UNC13C: variants seen among roughly 807,000 people sequenced by gnomAD.
UNC13C encodes protein unc-13 homolog C.
In UNC13C, 174 loss-of-function variants were observed where a neutral mutation model predicts 245.4. The observed-to-expected ratio is 0.71, with a 90% CI of 0.63 to 0.80. The LOEUF (loss-of-function observed/expected upper bound fraction) is 0.80, where lower values mean the gene tolerates loss of function less well. Ranked by LOEUF, UNC13C falls within the 30% of genes least tolerant of loss-of-function variation. The pLI is 0.00. For synonymous variants in UNC13C, 992 were observed against 895.1 expected (o/e 1.11, Z -1.93); for missense variants, 2,829 against 2,602.9 (o/e 1.09, Z -1.89).
intron 1 of UNC13C, among the ~76,000 whole-genome samples, chr15:53,992,006 C>A (rs556048186): frequency 7.2e-5 from 11 of 152,148 alleles, no homozygotes; most frequent in Non-Finnish European, 1.2e-4. Flanking sequence ...TCTAGTACAT[C>A]TACTTCTCTG....
intron 2 of UNC13C, among the ~76,000 whole-genome samples, chr15:54,065,831 A>T (rs1033421481): frequency 6.6e-6 from 1 of 152,162 alleles, no homozygotes; most frequent in African/African-American, 2.4e-5. Context: ...ACACCAACCT[A>T]CTCTCTGCTA....
chr15:54,593,954 A>T (rs1898934321), intron 30 of UNC13C, among the ~76,000 whole-genome samples: 1 of 152,178 alleles, frequency 6.6e-6, no homozygotes, highest in South Asian at 2.1e-4. Context: ...TCATTGGCAT[A>T]GGCTCTATCA....
chr15:54,113,031 G>C (rs901197910), intron 2 of UNC13C, among the ~76,000 whole-genome samples: 11 of 152,282 alleles, frequency 7.2e-5, no homozygotes, highest in South Asian at 2.1e-4. Flanking sequence ...AAATGGATAT[G>C]CAGATGTATC....
At chr15:54,387,921 C>T (rs1360853754) in intron 17 of UNC13C, among the ~76,000 whole-genome samples, 1 of 152,124 alleles carries the variant, frequency 6.6e-6, no homozygotes, top group East Asian at 1.9e-4. Flanking sequence ...TGCTTAGCTG[C>T]CATGACTACA....
chr15:54,324,455 T>A (rs778690049), intron 14 of UNC13C, among the ~76,000 whole-genome samples: 10 of 152,050 alleles, frequency 6.6e-5, no homozygotes, highest in Non-Finnish European at 1.3e-4. Context: ...TAAATCTTAT[T>A]TGAAATCATG....
intron 19 of UNC13C, among the ~76,000 whole-genome samples, chr15:54,482,817 C>A (rs1893198463): frequency 6.6e-6 from 1 of 152,268 alleles, no homozygotes; most frequent in Admixed American, 6.5e-5. Flanking sequence ...GTCAGTCTGA[C>A]AAATATCTCA....
At chr15:53,845,323 A>T in the UNC13C span, among the ~76,000 whole-genome samples, 2 of 4,230 alleles carry the variant, frequency 4.7e-4, no homozygotes, top group African/African-American at 7.7e-4. Flanking sequence ...AGAGTCTCTC[A>T]AAAAAAAAAA....
At chr15:54,458,958 T>C (rs1042539875) in intron 19 of UNC13C, among the ~76,000 whole-genome samples, 1 of 152,040 alleles carries the variant, frequency 6.6e-6, no homozygotes, top group Non-Finnish European at 1.5e-5. Flanking sequence ...TGACTTAGTA[T>C]CTTTTTTTCA....
chr15:54,254,110 C>T (rs2036220580), intron 8 of UNC13C, among the ~76,000 whole-genome samples: 1 of 152,218 alleles, frequency 6.6e-6, no homozygotes, highest in Admixed American at 6.5e-5. Context: ...AAATTCGTAG[C>T]ATTAATAAAA....
chr15:54,523,822 C>T (rs1175738012), intron 24 of UNC13C, among the ~76,000 whole-genome samples: 1 of 152,152 alleles, frequency 6.6e-6, no homozygotes, highest in Non-Finnish European at 1.5e-5. Context: ...TGGGGAACTA[C>T]CACCCATGTG....
At chr15:53,991,796 T>A (rs1363866143) in intron 1 of UNC13C, among the ~76,000 whole-genome samples, 1 of 152,052 alleles carries the variant, frequency 6.6e-6, no homozygotes, top group Non-Finnish European at 1.5e-5. Flanking sequence ...CTCAATTGTT[T>A]TTGGTATCCT....
the UNC13C span, among the ~76,000 whole-genome samples, chr15:53,883,874 T>C: frequency 5.6e-3 from 853 of 152,318 alleles, 4 homozygotes; most frequent in African/African-American, 0.02. Flanking sequence ...AGCATTCTAA[T>C]ATTTGGAATA....
At chr15:54,022,176 G>A (rs62009776) in intron 2 of UNC13C, among the ~76,000 whole-genome samples, 172 of 152,224 alleles carry the variant, frequency 1.1e-3, no homozygotes, top group Non-Finnish European at 2.2e-3. Context: ...TTCTGAAATG[G>A]CCGTGCTAAT....
intron 2 of UNC13C, among the ~76,000 whole-genome samples, chr15:54,028,949 C>A (rs562249137): frequency 6.6e-4 from 101 of 152,198 alleles, no homozygotes; most frequent in African/African-American, 2.2e-3. Flanking sequence ...AATTTTCAGC[C>A]AAACCAGTAA....
At chr15:54,539,654 A>G (rs1305335753) in intron 26 of UNC13C, among the ~76,000 whole-genome samples, 5 of 152,018 alleles carry the variant, frequency 3.3e-5, no homozygotes, top group Admixed American at 6.6e-5. Flanking sequence ...TAGAAGTCCA[A>G]TCAGTAGTTT....
At chr15:54,484,271 C>T (rs1893289537) in intron 19 of UNC13C, among the ~76,000 whole-genome samples, 1 of 152,136 alleles carries the variant, frequency 6.6e-6, no homozygotes, top group Admixed American at 6.5e-5. Flanking sequence ...TTTATAAATC[C>T]AGTTGTTTTG....
chr15:54,318,423 T>C (rs1292610445), intron 13 of UNC13C, among the ~76,000 whole-genome samples: 1 of 151,948 alleles, frequency 6.6e-6, no homozygotes, highest in Non-Finnish European at 1.5e-5. Context: ...GCCATTCTAA[T>C]AGGAGTGAGG....
At chr15:54,148,286 A>G (rs564913475) in intron 4 of UNC13C, among the ~76,000 whole-genome samples, 1 of 152,360 alleles carries the variant, frequency 6.6e-6, no homozygotes, top group East Asian at 1.9e-4. Flanking sequence ...CACCAGGAAC[A>G]ACTATCTTGG....
intron 30 of UNC13C, among the ~76,000 whole-genome samples, chr15:54,606,653 A>C (rs1006455801): frequency 7.2e-5 from 11 of 152,222 alleles, no homozygotes; most frequent in Non-Finnish European, 1.3e-4. Context: ...CCATAAAAGG[A>C]AAAAACTATT....
Sources: gnomAD v4.1 joint callset for allele counts (sites outside exome capture counted in the v4.1 genomes callset) on GRCh38, gnomAD v4.1.1 for gene constraint, MANE v1.5 for transcripts, NCBI Gene and HGNC (gene_info 2026-07-23, HGNC 2026-07-21) for gene names.